ATXN10: variants seen among roughly 807,000 people sequenced by gnomAD.
ATXN10 encodes ataxin-10.
A neutral mutation model predicts 52.9 loss-of-function variants in ATXN10; 28 were observed. That is an observed-to-expected ratio of 0.53 (90% CI 0.39 to 0.73). The LOEUF is 0.73. ATXN10 is among the 30% of genes least tolerant of loss of function. The pLI is 0.00. For missense variants in ATXN10, 565 were observed against 577.0 expected (o/e 0.98, Z 0.21); for synonymous variants, 226 against 221.5 (o/e 1.02, Z -0.18).
chr22:45,749,291 C>T (rs926087847), intron 9 of ATXN10, among the ~76,000 whole-genome samples: 1 of 152,108 alleles, frequency 6.6e-6, no homozygotes, highest in African/African-American at 2.4e-5. Flanking sequence ...ACTGGTGAGT[C>T]AAGCGTAGAG....
chr22:45,790,085 A>G lies in ATXN10; in HGVS notation c.1174-16874A>G, dbSNP rs1426050938. 6.6e-6 allele frequency among the ~76,000 whole-genome samples: 1 copy of G among 152,234 alleles called. No homozygotes were observed. Among genetic ancestry groups the G allele is most frequent in the African/African-American group, 2.4e-5 (1 of 41,462 alleles). On this transcript the variant is annotated intron_variant, in intron 9 of 11. Transcript: ENST00000252934. This position sits in a 1 kb window ranked among gnomAD's most constrained non-coding sequence, Gnocchi z 4.7. ...TATTAAAATCCAAAGATAACATTGC[A>G]TTTTAAATTAAAGTCCAAAGGCATT...
At chr22:45,697,622 A>G (rs1601593993) in intron 3 of ATXN10, among the ~76,000 whole-genome samples, 1 of 151,788 alleles carries the variant, frequency 6.6e-6, no homozygotes, top group East Asian at 2.0e-4. Context: ...ACTTAGCATA[A>G]TGTTTTTATT....
intron 4 of ATXN10, 48 bp downstream of exon 4, chr22:45,700,426 T>A: frequency 1.4e-6 from 2 of 1,457,980 alleles, no homozygotes; most frequent in Non-Finnish European, 1.9e-6. Context: ...AGATTGTGGC[T>A]ATATTTTTCC....
At chr22:45,737,853 C>T (rs1925360154) in intron 7 of ATXN10, among the ~76,000 whole-genome samples, 2 of 151,944 alleles carry the variant, frequency 1.3e-5, no homozygotes, top group South Asian at 4.1e-4. Flanking sequence ...CACCCACCAC[C>T]AAGCGTGGCT....
intron 9 of ATXN10, among the ~76,000 whole-genome samples, chr22:45,788,776 T>G (rs76351672): frequency 3.3e-5 from 5 of 151,876 alleles, no homozygotes; most frequent in Non-Finnish European, 5.9e-5. Context: ...TCAGCCTCCC[T>G]GGTAGCTGGG....
rs1205674127 is a variant in ATXN10 at position 45,835,962 on chromosome 22, A to G, written c.1238-7029A>G. On this transcript the variant is annotated intron_variant, in intron 10 of 11. Transcript: ENST00000252934. This position sits in a 1 kb window ranked among gnomAD's most constrained non-coding sequence, Gnocchi z 5.0. Reference sequence around the variant, plus strand: ...ATTAAGGCATAACAGGCTACGAAACATAGAACAGTACATACAGCATTGCAT... The same window carrying G: ...ATTAAGGCATAACAGGCTACGAAACGTAGAACAGTACATACAGCATTGCAT... Among the ~76,000 whole-genome samples, 2 of 152,248 alleles carry G rather than the reference A, an allele frequency of 1.3e-5. No individual in the cohort carries two copies. The highest frequency in any genetic ancestry group is 2.9e-5 in the Non-Finnish European group (2 of 68,042).
At position 45,830,647 on chromosome 22, in the gene ATXN10, A is replaced by G. The variant is rs191989350; in HGVS notation, c.1238-12344A>G. On this transcript the variant is annotated intron_variant, in intron 10 of 11. Transcript: ENST00000252934. ...GAGGAAAATGCAAATCAAAACCACAATGAGATACCACCTCACATCCATGAG... is the reference window on the plus strand; with the variant it reads ...GAGGAAAATGCAAATCAAAACCACAGTGAGATACCACCTCACATCCATGAG... Among the ~76,000 whole-genome samples, 42 of 152,078 alleles carry G rather than the reference A, an allele frequency of 2.8e-4. No individual in the cohort carries two copies. The East Asian group carries it at 5.8e-3, about 21-fold the overall frequency.
rs761103760 is a variant in ATXN10 at position 45,672,184 on chromosome 22, C to T, written c.116+5C>T. 8.5e-6 allele frequency: 13 copies of T among 1,528,702 alleles called. No individual in the cohort carries two copies. In the South Asian group the frequency reaches 1.6e-4, roughly 18 times the overall value. The allele number at this position is 1,528,702 out of a possible 1,614,324, so 94.7% of individuals were successfully genotyped here. ...CTTCAAAGAGCAGCGGAACCGGTAA[C>T]GGGTCCGGCCGGGGGGCTGCCCCGG... is the stretch of plus-strand genomic sequence containing the variant. On this transcript the variant is annotated splice_donor_5th_base_variant and intron_variant, in intron 1 of 11. Transcript: ENST00000252934.
intron 5 of ATXN10, among the ~76,000 whole-genome samples, chr22:45,711,425 T>G (rs1924246141): frequency 6.6e-6 from 1 of 152,186 alleles, no homozygotes; most frequent in Non-Finnish European, 1.5e-5. Flanking sequence ...CGAACCGTTC[T>G]GGCTCTCACC....
At chr22:45,693,288 AGTCT>A (rs1228298789) in intron 3 of ATXN10, among the ~76,000 whole-genome samples, 1 of 152,188 alleles carries the variant, frequency 6.6e-6, no homozygotes, top group Non-Finnish European at 1.5e-5. Context: ...TGTATGTTGA[AGTCT>A]GTCTGTTCCA....
rs1925165223 is a variant in ATXN10 at position 45,733,486 on chromosome 22, G to C, written c.894+3896G>C. 6.6e-6 allele frequency among the ~76,000 whole-genome samples: 1 copy of C among 152,158 alleles called. No homozygotes were observed. Among genetic ancestry groups the C allele is most frequent in the Admixed American group, 6.5e-5 (1 of 15,278 alleles). ...GTGGTGGCTCATACCTGTAATCCCA[G>C]CACTTTAGGAGGTCGAGGTGGGCAG... is the stretch of plus-strand genomic sequence containing the variant. On this transcript the variant is annotated intron_variant, in intron 7 of 11. Coordinates refer to ENST00000252934, the MANE Select transcript of ATXN10 (RefSeq NM_013236.4). The surrounding 1 kb of genome is among the most constrained non-coding windows in gnomAD (Gnocchi z 4.4).
rs938436307 is a variant in ATXN10, at chr22:45,837,557, C to T, written c.1238-5434C>T. Among the ~76,000 whole-genome samples, 5 of 152,224 alleles carry T rather than the reference C, an allele frequency of 3.3e-5. No homozygotes were observed. The highest frequency in any genetic ancestry group is 1.2e-4 in the African/African-American group (5 of 41,448). On this transcript the variant is annotated intron_variant, in intron 10 of 11. Transcript: ENST00000252934. This position sits in a 1 kb window ranked among gnomAD's most constrained non-coding sequence, Gnocchi z 5.8. ...GATTACAGGCGTGAGCCACTATGCCCGGCCTATTTATTTATTAATTCAACA... is the reference window on the plus strand; with the variant it reads ...GATTACAGGCGTGAGCCACTATGCCTGGCCTATTTATTTATTAATTCAACA...
intron 9 of ATXN10, among the ~76,000 whole-genome samples, chr22:45,761,314 C>G (rs2146829694): frequency 6.6e-6 from 1 of 152,266 alleles, no homozygotes; most frequent in African/African-American, 2.4e-5. Flanking sequence ...ATCTAAAACA[C>G]TACAAGCCTA....
At chr22:45,796,097 T>C (rs1225366647) in intron 9 of ATXN10, among the ~76,000 whole-genome samples, 1 of 152,212 alleles carries the variant, frequency 6.6e-6, no homozygotes, top group Non-Finnish European at 1.5e-5. Context: ...TGAATTCTTT[T>C]CTCAGCAAGG....
chr22:45,714,988 C>G (rs1213536829), intron 5 of ATXN10, among the ~76,000 whole-genome samples: 1 of 152,130 alleles, frequency 6.6e-6, no homozygotes, highest in African/African-American at 2.4e-5. Flanking sequence ...TGCCCTAGTC[C>G]CTATACCCTT....
intron 3 of ATXN10, among the ~76,000 whole-genome samples, chr22:45,694,794 G>A (rs1475246909): frequency 6.9e-6 from 1 of 144,200 alleles, no homozygotes; most frequent in African/African-American, 2.6e-5. Flanking sequence ...AAAAAAAAAA[G>A]AACCGGGCAT....
chr22:45,753,580 T>C (rs1384414231), intron 9 of ATXN10, among the ~76,000 whole-genome samples: 1 of 151,900 alleles, frequency 6.6e-6, no homozygotes, highest in Non-Finnish European at 1.5e-5. Flanking sequence ...TAATTCTTTG[T>C]ATTTTTAGTA....
At chr22:45,771,173 A>T (rs1926763460) in intron 9 of ATXN10, among the ~76,000 whole-genome samples, 1 of 152,244 alleles carries the variant, frequency 6.6e-6, no homozygotes, top group Admixed American at 6.5e-5. Flanking sequence ...TATTTATGGT[A>T]GCCAAAAGCT....
chr22:45,779,130 T>C (rs1282432594), intron 9 of ATXN10, among the ~76,000 whole-genome samples: 2 of 152,208 alleles, frequency 1.3e-5, no homozygotes, highest in Non-Finnish European at 2.9e-5. Context: ...TTTGCATCGT[T>C]CTTCTCTCCT....
Sources: allele counts gnomAD v4.1 joint callset (sites outside exome capture counted in the v4.1 genomes callset), GRCh38; gene constraint gnomAD v4.1.1; non-coding constraint Gnocchi (gnomAD v3.1); transcripts MANE v1.5; gene names NCBI Gene and HGNC (gene_info 2026-07-23, HGNC 2026-07-21).